NCALD: variants seen among roughly 807,000 people sequenced by gnomAD.
NCALD encodes neurocalcin delta.
Under a neutral mutation model 18.6 loss-of-function variants are expected in NCALD, and 10 were observed. The ratio of observed to expected loss-of-function variants is 0.54; its 90% CI spans 0.33 to 0.91. The LOEUF (loss-of-function observed/expected upper bound fraction) is 0.91, where lower values mean the gene tolerates loss of function less well. Ranked by LOEUF, NCALD falls within the 40% of genes least tolerant of loss-of-function variation. The pLI is 0.03. For missense variants in NCALD, 184 were observed against 247.6 expected (o/e 0.74, Z 1.72); for synonymous variants, 88 against 87.4 (o/e 1.01, Z -0.04).
intron 2 of NCALD, among the ~76,000 whole-genome samples, chr8:101,977,177 G>A (rs765454146): frequency 3.3e-5 from 5 of 150,872 alleles, no homozygotes; most frequent in Non-Finnish European, 5.9e-5. Context: ...TGAAAAGATG[G>A]AAAGGAGAAA....
chr8:101,844,011 G>A (rs997557974), intron 4 of NCALD, among the ~76,000 whole-genome samples: 2 of 152,180 alleles, frequency 1.3e-5, no homozygotes, highest in Non-Finnish European at 2.9e-5. Context: ...TGCCATACTG[G>A]CTTGCCAGTC....
At chr8:102,033,773 AGT>A (rs1822764832) in intron 1 of NCALD, among the ~76,000 whole-genome samples, 1 of 152,170 alleles carries the variant, frequency 6.6e-6, no homozygotes, top group Admixed American at 6.5e-5. Flanking sequence ...CATATCCAGT[AGT>A]AAAGTTAATA....
intron 1 of NCALD, among the ~76,000 whole-genome samples, chr8:101,733,551 CT>C (rs11323506): frequency 0.21 from 32,581 of 152,098 alleles, 3,818 homozygotes; most frequent in East Asian, 0.36. Context: ...TGGCCGGCAT[CT>C]AGCAGGTGCT....
At chr8:102,034,611 T>C (rs116259273) in intron 1 of NCALD, among the ~76,000 whole-genome samples, 9,558 of 152,218 alleles carry the variant, frequency 0.063, 601 homozygotes, top group African/African-American at 0.16. Context: ...GGCTGTGTCA[T>C]GGGGGCACTA....
chr8:101,967,321 G>A (rs1820066871), intron 2 of NCALD, among the ~76,000 whole-genome samples: 2 of 152,166 alleles, frequency 1.3e-5, no homozygotes, highest in South Asian at 4.1e-4. Flanking sequence ...TCAAAGGAAT[G>A]TTTTAAATCC....
At chr8:101,880,239 T>C (rs1816428834) in intron 4 of NCALD, among the ~76,000 whole-genome samples, 1 of 152,122 alleles carries the variant, frequency 6.6e-6, no homozygotes, top group African/African-American at 2.4e-5. Context: ...CTGCTGGCCC[T>C]GGTGCTAAGC....
intron 3 of NCALD, among the ~76,000 whole-genome samples, chr8:101,900,802 A>G (rs517868): frequency 0.33 from 50,061 of 151,740 alleles, 9,908 homozygotes; most frequent in African/African-American, 0.54. Flanking sequence ...TTGTTAGTCA[A>G]TTCTTCTGTT....
At chr8:101,982,160 A>G (rs1257035705) in intron 2 of NCALD, among the ~76,000 whole-genome samples, 1 of 152,194 alleles carries the variant, frequency 6.6e-6, no homozygotes, top group Non-Finnish European at 1.5e-5. Flanking sequence ...CCATGCTTGT[A>G]CACCCTTCAG....
chr8:101,753,428 T>C (rs1325325485), intron 1 of NCALD, among the ~76,000 whole-genome samples: 1 of 152,222 alleles, frequency 6.6e-6, no homozygotes, highest in Non-Finnish European at 1.5e-5. Context: ...CCCACAACCA[T>C]TTCTCTTCAC....
At chr8:101,949,487 T>G (rs1819305733) in intron 2 of NCALD, among the ~76,000 whole-genome samples, 1 of 152,120 alleles carries the variant, frequency 6.6e-6, no homozygotes, top group Non-Finnish European at 1.5e-5. Flanking sequence ...TATCTGGTAC[T>G]GTTAGAGAGG....
At position 102,018,089 on chromosome 8, in the gene NCALD, T is replaced by C. The variant is rs547086963; in HGVS notation, c.-157+2148A>G. On this transcript the variant is annotated intron_variant, in intron 2 of 6. Coordinates refer to the NCALD transcript ENST00000311028. ...TACAAACAATGATAATACCAAGTGCTAGAGGAGCTGTGGAACAACTGAAAC... is the reference window on the plus strand; with the variant it reads ...TACAAACAATGATAATACCAAGTGCCAGAGGAGCTGTGGAACAACTGAAAC... Among the ~76,000 whole-genome samples, 8 of 152,320 alleles carry C rather than the reference T, an allele frequency of 5.3e-5. No homozygotes were observed. The East Asian group carries it at 1.2e-3, about 22-fold the overall frequency.
intron 3 of NCALD, among the ~76,000 whole-genome samples, chr8:101,914,713 G>T (rs1310799823): frequency 6.6e-6 from 1 of 152,020 alleles, no homozygotes; most frequent in Non-Finnish European, 1.5e-5. Context: ...AAGTACTTTC[G>T]ATTGGGTCCT....
At chr8:102,027,638 G>A (rs1822507503) in intron 1 of NCALD, among the ~76,000 whole-genome samples, 1 of 152,058 alleles carries the variant, frequency 6.6e-6, no homozygotes, top group Admixed American at 6.6e-5. Context: ...CCTCATTTTT[G>A]GGTATCTTTA....
intron 4 of NCALD, among the ~76,000 whole-genome samples, chr8:101,864,653 G>A (rs930853143): frequency 1.4e-5 from 2 of 146,570 alleles, no homozygotes; most frequent in Admixed American, 1.4e-4. Context: ...GGAGTGCAAT[G>A]GCACGATCTT....
At chr8:102,104,687 C>T (rs1318262540) in intron 1 of NCALD, among the ~76,000 whole-genome samples, 1 of 152,176 alleles carries the variant, frequency 6.6e-6, no homozygotes, top group Admixed American at 6.5e-5. Flanking sequence ...GTTGTTTTTG[C>T]ATGGACAGTA....
intron 4 of NCALD, among the ~76,000 whole-genome samples, chr8:101,855,554 G>C (rs1215345488): frequency 6.6e-6 from 1 of 152,144 alleles, no homozygotes; most frequent in East Asian, 1.9e-4. Context: ...AATCCTGATA[G>C]AAATGGCTAC....
At chr8:102,007,168 A>T (rs1214948565) in intron 2 of NCALD, among the ~76,000 whole-genome samples, 1 of 152,202 alleles carries the variant, frequency 6.6e-6, no homozygotes, top group Non-Finnish European at 1.5e-5. Context: ...GTAGTGGAAA[A>T]ATTGGTGAAA....
Position 102,005,927 on chromosome 8 carries a change from G to GT in NCALD, c.-157+14309dup, listed in dbSNP as rs1554576990. Among the ~76,000 whole-genome samples, 19 of 151,822 alleles carry GT rather than the reference G, an allele frequency of 1.3e-4. 1 individual carries two copies. The highest frequency in any genetic ancestry group is 1.0e-3 in the South Asian group (5 of 4,792). ...GATAGCATTAGGAGATATACCTAAT[G>GT]TAAATGACGAGTTAATGGGTGCAGC... is the stretch of plus-strand genomic sequence containing the variant. On this transcript the variant is annotated intron_variant, in intron 2 of 6. Transcript: ENST00000311028.
At chr8:101,814,559 C>T (rs549917663) in intron 4 of NCALD, among the ~76,000 whole-genome samples, 3 of 151,926 alleles carry the variant, frequency 2.0e-5, no homozygotes, top group Non-Finnish European at 4.4e-5. Flanking sequence ...TCACAGCTTC[C>T]CACTAAGAAC....
Sources: gnomAD v4.1 joint callset for allele counts (sites outside exome capture counted in the v4.1 genomes callset) on GRCh38, gnomAD v4.1.1 for gene constraint, MANE v1.5 for transcripts, NCBI Gene and HGNC (gene_info 2026-07-23, HGNC 2026-07-21) for gene names.